GALK2: variants seen among roughly 807,000 people sequenced by gnomAD.
GALK2 encodes the protein N-acetylgalactosamine kinase.
A neutral mutation model predicts 52.4 loss-of-function variants in GALK2; 36 were observed. The ratio of observed to expected loss-of-function variants is 0.69; its 90% confidence interval spans 0.53 to 0.91. The LOEUF is 0.91. GALK2 is among the 40% of genes least tolerant of loss of function. GALK2 has a pLI of 0.00. For missense variants in GALK2, 579 were observed against 559.1 expected, an observed-to-expected ratio of 1.04 and a Z score of -0.36; for synonymous variants, 176 against 199.1, an observed-to-expected ratio of 0.88 and a Z score of 0.98.
chr15:49,222,000 T>C (rs1237895193), intron 3 of GALK2, among the ~76,000 whole-genome samples: 1 of 152,178 alleles, frequency 6.6e-6, no homozygotes, highest in African/African-American at 2.4e-5. Context: ...GGGCAGTATG[T>C]TCATTTTAAC....
chr15:49,172,710 C>T (rs1174852019), intron 1 of GALK2, among the ~76,000 whole-genome samples: 1 of 152,090 alleles, frequency 6.6e-6, no homozygotes, highest in African/African-American at 2.4e-5. Context: ...ATGTAAAAAT[C>T]AAATAGAAAT....
At chr15:49,320,494 G>T (rs2036791110) in intron 9 of GALK2, among the ~76,000 whole-genome samples, 1 of 152,234 alleles carries the variant, frequency 6.6e-6, no homozygotes, top group African/African-American at 2.4e-5. Context: ...GGAGCTCAGT[G>T]ACCCTGGGAG....
intron 9 of GALK2, 97 bp downstream of exon 9, chr15:49,319,902 A>T: frequency 9.9e-7 from 1 of 1,010,772 alleles, no homozygotes; most frequent in Non-Finnish European, 1.4e-6. Context: ...GGGAATGAAG[A>T]TCATTCCCCA....
At chr15:49,204,806 C>T (rs1203786129) in intron 2 of GALK2, among the ~76,000 whole-genome samples, 1 of 152,114 alleles carries the variant, frequency 6.6e-6, no homozygotes, top group Non-Finnish European at 1.5e-5. Flanking sequence ...ATCACCCAAG[C>T]AGCATACACT....
At chr15:49,332,238 G>A (rs2038928912), downstream of GALK2, among the ~76,000 whole-genome samples, 1 of 152,176 alleles carries the variant, frequency 6.6e-6, no homozygotes, top group African/African-American at 2.4e-5. Flanking sequence ...TCTTCAGTTA[G>A]ATGGTTTACA....
intron 3 of GALK2, among the ~76,000 whole-genome samples, chr15:49,361,081 T>C (rs564247022): frequency 2.6e-5 from 4 of 152,288 alleles, no homozygotes; most frequent in South Asian, 2.1e-4. Flanking sequence ...GAGGGATAAA[T>C]GATAAGTATT....
chr15:49,166,137 G>T (rs947628123), upstream of GALK2, among the ~76,000 whole-genome samples: 1 of 152,090 alleles, frequency 6.6e-6, no homozygotes. Context: ...TGATGCTGCT[G>T]TTCTGAGGAC....
intron 9 of GALK2, among the ~76,000 whole-genome samples, chr15:49,324,670 C>G (rs2037186693): frequency 1.3e-5 from 2 of 152,076 alleles, no homozygotes; most frequent in African/African-American, 4.8e-5. Flanking sequence ...ATAGAAACTG[C>G]TAGAAGTTCC....
At chr15:49,265,508 G>T (rs1419192562) in intron 5 of GALK2, among the ~76,000 whole-genome samples, 1 of 152,254 alleles carries the variant, frequency 6.6e-6, no homozygotes, top group African/African-American at 2.4e-5. Context: ...GGAACTCCCT[G>T]ACCCGTTGCG....
intron 1 of GALK2, among the ~76,000 whole-genome samples, chr15:49,159,333 T>C (rs1036532651): frequency 1.3e-5 from 2 of 152,128 alleles, no homozygotes; most frequent in Non-Finnish European, 2.9e-5. Flanking sequence ...CCCAGCACTT[T>C]GGGAAGCCGA....
intron 1 of GALK2, among the ~76,000 whole-genome samples, chr15:49,185,279 T>C (rs28728368): frequency 0.33 from 50,430 of 152,082 alleles, 9,076 homozygotes; most frequent in East Asian, 0.58. Context: ...GGCTTTCCAC[T>C]GCAACCATTT....
At chr15:49,235,043 G>T (rs1472330000) in intron 3 of GALK2, among the ~76,000 whole-genome samples, 2 of 152,148 alleles carry the variant, frequency 1.3e-5, no homozygotes, top group Non-Finnish European at 2.9e-5. Flanking sequence ...GAGATTAGAG[G>T]TGTGAGCTGC....
In GALK2 at chr15:49,258,829, T is replaced by TGAGA. The variant is rs1200292800; in HGVS notation, c.504+19485_504+19488dup. ...GTGTGTGTGTGTGTGTGTGTGTGTG[T>TGAGA]GAGAGAGAGAGAGAGAGAGAGAGAG... On this transcript the variant is annotated intron_variant, in intron 5 of 9. Transcript: ENST00000560031. Among the ~76,000 whole-genome samples, 529 of 124,040 alleles carry TGAGA rather than the reference T, an allele frequency of 4.3e-3. 2 individuals carry two copies. Among genetic ancestry groups the TGAGA allele is most frequent in the Admixed American group, 7.7e-3 (92 of 11,970 alleles). 81.4% of individuals were successfully genotyped at this position (124,040 alleles called of 152,430 possible).
At chr15:49,355,364 A>G (rs902492566) in intron 3 of GALK2, among the ~76,000 whole-genome samples, 6 of 152,218 alleles carry the variant, frequency 3.9e-5, no homozygotes, top group Non-Finnish European at 8.8e-5. Context: ...AGTATGTATA[A>G]CTAGAATAAC....
chr15:49,281,473 A>G (rs1204753827), intron 5 of GALK2, among the ~76,000 whole-genome samples: 1 of 152,234 alleles, frequency 6.6e-6, no homozygotes, highest in East Asian at 1.9e-4. Flanking sequence ...TTGGAGGAAG[A>G]TGAGCCTGAT....
intron 3 of GALK2, among the ~76,000 whole-genome samples, chr15:49,218,073 G>T (rs140573521): frequency 4.8e-4 from 73 of 152,246 alleles, no homozygotes; most frequent in African/African-American, 1.7e-3. Flanking sequence ...TACAGAAAAA[G>T]ATTTTGGCTT....
intron 5 of GALK2, among the ~76,000 whole-genome samples, chr15:49,275,368 C>G (rs1228506346): frequency 6.6e-6 from 1 of 152,194 alleles, no homozygotes; most frequent in Non-Finnish European, 1.5e-5. Context: ...TTTACATTTT[C>G]TTTTGGAAGA....
intron 3 of GALK2, chr15:49,365,339 A>T: frequency 6.4e-7 from 1 of 1,560,282 alleles, no homozygotes; most frequent in Non-Finnish European, 8.8e-7. Flanking sequence ...AAATGTAAGT[A>T]TCATGCCAAT....
At chr15:49,350,120 A>G (rs765355088) in intron 3 of GALK2, among the ~76,000 whole-genome samples, 1 of 152,192 alleles carries the variant, frequency 6.6e-6, no homozygotes, top group Non-Finnish European at 1.5e-5. Context: ...ATCAATTTCT[A>G]TAAAATAAAT....
Sources: allele counts gnomAD v4.1 joint callset (sites outside exome capture counted in the v4.1 genomes callset), GRCh38; gene constraint gnomAD v4.1.1; transcripts MANE v1.5; gene names NCBI Gene and HGNC (gene_info 2026-07-23, HGNC 2026-07-21).